The following CDH9 variants were observed in gnomAD, a reference collection of about 807,000 sequenced individuals.
CDH9 encodes the protein cadherin-9.
A neutral mutation model predicts 70.9 loss-of-function variants in CDH9; 28 were observed. The ratio of observed to expected loss-of-function variants is 0.40; its 90% CI spans 0.29 to 0.54. The LOEUF is 0.54. Among genes scored for constraint, CDH9 ranks in the 20% least tolerant of loss-of-function variants. The probability of loss-of-function intolerance (pLI) is 0.59; values close to 1 mark genes in which losing one functional copy is unlikely to be tolerated. For missense variants in CDH9, 874 were observed against 984.4 expected (o/e 0.89, Z 1.50); for synonymous variants, 409 against 343.1 (o/e 1.19, Z -2.12).
intron 1 of CDH9, among the ~76,000 whole-genome samples, chr5:27,001,542 T>C (rs531700526): frequency 1.4e-4 from 21 of 152,250 alleles, no homozygotes; most frequent in Non-Finnish European, 2.8e-4. Flanking sequence ...TAAAATCATT[T>C]ATTTTAATAT....
intron 1 of CDH9, among the ~76,000 whole-genome samples, chr5:27,026,287 A>G (rs1472486204): frequency 6.6e-6 from 1 of 151,958 alleles, no homozygotes; most frequent in Non-Finnish European, 1.5e-5. Context: ...TGTGGGGTTT[A>G]TGAATTAAAT....
chr5:27,022,122 C>T (rs1261044502), intron 1 of CDH9, among the ~76,000 whole-genome samples: 5 of 151,970 alleles, frequency 3.3e-5, no homozygotes, highest in Middle Eastern at 3.4e-3. Flanking sequence ...ATTTCTGATG[C>T]GTCTAGTATC....
At chr5:27,031,832 T>C (rs1322118091) in intron 1 of CDH9, among the ~76,000 whole-genome samples, 1 of 151,892 alleles carries the variant, frequency 6.6e-6, no homozygotes, top group East Asian at 1.9e-4. Context: ...TCTCTGTAGG[T>C]TTCAACATTA....
rs145328141 is a variant in CDH9 at position 26,885,657 on chromosome 5, C to G, written c.1839G>C (p.Thr613=). 1.5e-4 allele frequency: 237 copies of G among 1,613,616 alleles called. 1 individual carries two copies. The African/African-American group carries it at 2.7e-3, about 18-fold the overall frequency. ...AGAGTAGAATCGCAACGAGAGCTCC[C>G]GTGCTCAGGCCGGCTGAAAGGATCA... is the stretch of plus-strand genomic sequence containing the variant. ...EALILSAGLS[T]GALVAILLCV... is the part of the protein sequence containing the mutation. The change falls in exon 11 of 12, where the codon ACG becomes ACC. Residue 613 remains threonine (T), a synonymous_variant. Coordinates refer to ENST00000231021, the MANE Select transcript of CDH9 (RefSeq NM_016279.4).
At chr5:26,925,213 CTT>C (rs1463840480) in intron 2 of CDH9, among the ~76,000 whole-genome samples, 3 of 152,034 alleles carry the variant, frequency 2.0e-5, no homozygotes, top group Admixed American at 6.6e-5. Flanking sequence ...TCCAGCATCT[CTT>C]GTTTCCTGAC....
intron 2 of CDH9, among the ~76,000 whole-genome samples, chr5:26,985,430 T>G (rs1742473611): frequency 6.6e-6 from 1 of 152,120 alleles, no homozygotes; most frequent in African/African-American, 2.4e-5. Context: ...CAATTAAGAC[T>G]AAATCTTATA....
intron 2 of CDH9, among the ~76,000 whole-genome samples, chr5:26,957,240 T>A (rs1022028187): frequency 7.9e-5 from 12 of 152,168 alleles, no homozygotes; most frequent in African/African-American, 1.4e-4. Flanking sequence ...ATGAATTTTT[T>A]AATCACATTT....
intron 1 of CDH9, among the ~76,000 whole-genome samples, chr5:27,029,123 CTT>C (rs999519822): frequency 6.6e-6 from 1 of 151,276 alleles, no homozygotes; most frequent in African/African-American, 2.4e-5. Flanking sequence ...ATCATGGAAA[CTT>C]TTTTTTTCTA....
intron 2 of CDH9, among the ~76,000 whole-genome samples, chr5:26,943,934 C>A (rs1477467095): frequency 6.6e-6 from 1 of 152,058 alleles, no homozygotes. Flanking sequence ...ATTAAAACTG[C>A]TCTTTGGTTA....
chr5:26,994,308 T>C (rs1742630999), intron 1 of CDH9, among the ~76,000 whole-genome samples: 2 of 152,086 alleles, frequency 1.3e-5, no homozygotes, highest in Admixed American at 6.6e-5. Flanking sequence ...GAAAAGGACA[T>C]GGGAGAACTA....
At chr5:26,931,471 C>T (rs1242218718) in intron 2 of CDH9, among the ~76,000 whole-genome samples, 1 of 152,044 alleles carries the variant, frequency 6.6e-6, no homozygotes, top group African/African-American at 2.4e-5. Context: ...TTTTGACACA[C>T]CAGAATGGTC....
At chr5:26,983,231 C>T (rs1369529795) in intron 2 of CDH9, among the ~76,000 whole-genome samples, 1 of 152,084 alleles carries the variant, frequency 6.6e-6, no homozygotes, top group East Asian at 1.9e-4. Flanking sequence ...TTGACTAGAA[C>T]TCAGGTTACA....
chr5:26,920,984 A>C (rs1395799398), intron 2 of CDH9, among the ~76,000 whole-genome samples: 2 of 152,230 alleles, frequency 1.3e-5, no homozygotes, highest in Non-Finnish European at 2.9e-5. Flanking sequence ...CATTCAGACT[A>C]GTGAGGAAAA....
rs1740468236 is a variant in CDH9 at position 26,881,692 on chromosome 5, G to C, written c.1883-69C>G. ...GATAAAATAGAGTACACTTCTGAGTGTGAAATTCGTTTGGTGCAGGAGATA... is the reference window on the plus strand; with the variant it reads ...GATAAAATAGAGTACACTTCTGAGTCTGAAATTCGTTTGGTGCAGGAGATA... On this transcript the variant is annotated intron_variant, in intron 11 of 11. Transcript: ENST00000231021. 1.3e-5 allele frequency: 18 copies of C among 1,411,776 alleles called. No homozygotes were observed. The South Asian group carries it at 2.2e-4, about 17-fold the overall frequency. 87.5% of individuals were successfully genotyped at this position (1,411,776 alleles called of 1,614,324 possible). A position where few individuals can be genotyped will look rare whatever the true frequency, so the allele number is the denominator to read the frequency against.
chr5:26,891,616 T>G (rs1417158605), intron 7 of CDH9, among the ~76,000 whole-genome samples: 1 of 152,122 alleles, frequency 6.6e-6, no homozygotes, highest in East Asian at 1.9e-4. Flanking sequence ...AGGCAGAGGT[T>G]GCAGTGAGCC....
rs185423673 is a variant in CDH9, at chr5:26,996,597, A to G, written c.-49-8215T>C. ...ATGATGTATCTTCTAAAATCAAATAACTTTTGAGGGATATATGCTTAAATT... is the reference window on the plus strand; with the variant it reads ...ATGATGTATCTTCTAAAATCAAATAGCTTTTGAGGGATATATGCTTAAATT... On this transcript the variant is annotated intron_variant, in intron 1 of 11. Coordinates refer to ENST00000231021, the MANE Select transcript of CDH9 (RefSeq NM_016279.4). 4.4e-3 allele frequency among the ~76,000 whole-genome samples: 667 copies of G among 152,006 alleles called. 5 individuals carry two copies. The highest frequency in any genetic ancestry group is 0.015 in the African/African-American group (635 of 41,512).
At position 26,894,300 on chromosome 5, in the gene CDH9, A is replaced by G. The variant is rs140490176; in HGVS notation, c.1254-3736T>C. Among the ~76,000 whole-genome samples the G allele has an allele frequency of 6.1e-4, 93 of 152,274 alleles. 1 individual carries two copies. The highest frequency in any genetic ancestry group is 6.8e-3 in the Middle Eastern group (2 of 294). ...TGCTAGCTGCCCTAGCGTTTAGCCT[A>G]GAGATTTTGATGGTATTTCTATAAC... On this transcript the variant is annotated intron_variant, in intron 7 of 11. Transcript: ENST00000231021.
chr5:26,987,965 TA>T, intron 2 of CDH9, 140 bp downstream of exon 2: 1 of 631,860 alleles, frequency 1.6e-6, no homozygotes, highest in Non-Finnish European at 2.7e-6. Flanking sequence ...TCTTCCCCAC[TA>T]AAATAGTTTG....
chr5:26,974,672 A>T (rs1742275232), intron 2 of CDH9, among the ~76,000 whole-genome samples: 1 of 152,158 alleles, frequency 6.6e-6, no homozygotes, highest in South Asian at 2.1e-4. Flanking sequence ...TGATTTTTTC[A>T]AGATTTATTG....
Sources: allele counts gnomAD v4.1 joint callset (sites outside exome capture counted in the v4.1 genomes callset), GRCh38; gene constraint gnomAD v4.1.1; transcripts MANE v1.5; gene names NCBI Gene and HGNC (gene_info 2026-07-23, HGNC 2026-07-21).